Variants in RPRD2 observed in about 807,000 individuals in gnomAD.
RPRD2 encodes the protein regulation of nuclear pre-mRNA domain-containing protein 2.
RPRD2 carries 12 observed loss-of-function variants against 104.4 expected under a neutral mutation model. The ratio of observed to expected loss-of-function variants is 0.11; its 90% CI spans 0.07 to 0.19. The LOEUF is 0.19. Among genes scored for constraint, RPRD2 ranks in the 10% least tolerant of loss-of-function variants. The pLI is 1.00. For missense variants in RPRD2, 1,543 were observed against 1,790.1 expected, an observed-to-expected ratio of 0.86 and a Z score of 2.49; for synonymous variants, 714 against 684.9, an observed-to-expected ratio of 1.04 and a Z score of -0.66.
chr1:150,378,473 A>G (rs1660883447), intron 1 of RPRD2, among the ~76,000 whole-genome samples: 1 of 152,112 alleles, frequency 6.6e-6, no homozygotes, highest in African/African-American at 2.4e-5. Context: ...TTCAGAGTAT[A>G]TTGGTATTTT....
chr1:150,450,303 G>A (rs1553896313), intron 7 of RPRD2, among the ~76,000 whole-genome samples: 1 of 152,034 alleles, frequency 6.6e-6, no homozygotes, highest in East Asian at 1.9e-4. Flanking sequence ...ACCATCAGGT[G>A]TATGTATGTA....
chr1:150,408,404 T>C (rs145784926), intron 1 of RPRD2, among the ~76,000 whole-genome samples: 2,093 of 152,210 alleles, frequency 0.014, 52 homozygotes, highest in African/African-American at 0.048. Flanking sequence ...TCTATCCGCC[T>C]CGGCCTCCCA....
At chr1:150,428,307 G>A (rs1665300841) in intron 2 of RPRD2, among the ~76,000 whole-genome samples, 1 of 151,890 alleles carries the variant, frequency 6.6e-6, no homozygotes, top group Non-Finnish European at 1.5e-5. Flanking sequence ...CAAAAAATTA[G>A]CTGGGTGTGG....
At chr1:150,414,803 TAA>T (rs1664215050) in intron 1 of RPRD2, among the ~76,000 whole-genome samples, 2 of 152,122 alleles carry the variant, frequency 1.3e-5, no homozygotes, top group African/African-American at 4.8e-5. Context: ...ATAAGTGCAA[TAA>T]AAGAGTGGCT....
chr1:150,453,034 CTTTTT>C (rs11342600), intron 7 of RPRD2, among the ~76,000 whole-genome samples: 1 of 132,962 alleles, frequency 7.5e-6, no homozygotes, highest in African/African-American at 2.8e-5. Flanking sequence ...AATATATTTA[CTTTTT>C]TTTTTTTTTT....
At chr1:150,468,850 C>T (rs1167767413) in intron 10 of RPRD2, among the ~76,000 whole-genome samples, 2 of 151,340 alleles carry the variant, frequency 1.3e-5, no homozygotes, top group African/African-American at 4.9e-5. Flanking sequence ...GCACTCCAGC[C>T]TGGGTGACAG....
Position 150,471,141 on chromosome 1 carries a change from G to A in RPRD2, c.2193G>A (p.Gly731=). 6.2e-7 allele frequency: 1 copy of A among 1,613,762 alleles called. No homozygotes were observed. The highest frequency in any genetic ancestry group is 1.6e-4 in the Middle Eastern group (1 of 6,062). Residue 731 remains glycine (G), a synonymous_variant, in exon 11 of 11, where the codon GGG becomes GGA. Transcript: ENST00000369068. The surrounding 1 kb of genome is among the most constrained non-coding windows in gnomAD (Gnocchi z 5.3). ...CCCCTGTACGGGATGAACGGAGTGG[G>A]ACACCCACCCAGGATGAGATGATGG... The part of the protein sequence containing the change: ...DGTPVRDERS[G]TPTQDEMMDK...
chr1:150,382,205 A>C (rs964662146), intron 1 of RPRD2, among the ~76,000 whole-genome samples: 2 of 142,548 alleles, frequency 1.4e-5, no homozygotes, highest in Admixed American at 7.0e-5. Context: ...AGGAGTGGAC[A>C]TGGCTTTTTT....
At chr1:150,446,621 G>A (rs12121133) in intron 7 of RPRD2, among the ~76,000 whole-genome samples, 33,713 of 152,028 alleles carry the variant, frequency 0.22, 4,251 homozygotes, top group African/African-American at 0.32. Context: ...AGACCAGCCT[G>A]GGCACCATGG....
chr1:150,398,201 A>ATTTTATTTTT (rs2102206838), intron 1 of RPRD2, among the ~76,000 whole-genome samples: 1 of 108,978 alleles, frequency 9.2e-6, no homozygotes, highest in African/African-American at 3.5e-5. Context: ...ATTTTATTTT[A>ATTTTATTTTT]TTTTATTTTT....
intron 8 of RPRD2, among the ~76,000 whole-genome samples, chr1:150,459,591 T>A (rs1481099255): frequency 6.6e-6 from 1 of 150,606 alleles, no homozygotes; most frequent in Non-Finnish European, 1.5e-5. Context: ...GGAAATTGCT[T>A]GCTTTTTTTT....
At chr1:150,453,999 G>T (rs1334576545) in intron 7 of RPRD2, among the ~76,000 whole-genome samples, 1 of 152,266 alleles carries the variant, frequency 6.6e-6, no homozygotes, top group African/African-American at 2.4e-5. Context: ...AGCCTGGAAT[G>T]ATCACTAAGC....
At chr1:150,406,016 TTC>T (rs1202855152) in intron 1 of RPRD2, among the ~76,000 whole-genome samples, 1 of 152,186 alleles carries the variant, frequency 6.6e-6, no homozygotes, top group African/African-American at 2.4e-5. Context: ...AAGGTTAAAG[TTC>T]TTAATAAGAC....
chr1:150,450,449 T>TA (rs1210890653), intron 7 of RPRD2, among the ~76,000 whole-genome samples: 4 of 149,910 alleles, frequency 2.7e-5, no homozygotes, highest in Admixed American at 6.7e-5. Flanking sequence ...TACTAAAAAT[T>TA]AAAAAAAATT....
intron 6 of RPRD2, 71 bp from the exon 7 acceptor site, chr1:150,446,155 C>T: frequency 1.8e-6 from 2 of 1,133,678 alleles, no homozygotes; most frequent in Non-Finnish European, 2.4e-6. Flanking sequence ...AGGTTTTCTT[C>T]AAAAGTCAAA....
At chr1:150,385,477 A>G (rs1358977402) in intron 1 of RPRD2, among the ~76,000 whole-genome samples, 3 of 152,236 alleles carry the variant, frequency 2.0e-5, no homozygotes, top group African/African-American at 7.2e-5. Flanking sequence ...CTGCCTTTAA[A>G]TAAATAAATA....
At chr1:150,367,564 G>C (rs180805667) in intron 1 of RPRD2, among the ~76,000 whole-genome samples, 59 of 134,416 alleles carry the variant, frequency 4.4e-4, no homozygotes, top group Non-Finnish European at 5.5e-4. Flanking sequence ...TTTATATTTA[G>C]ACCTCAGTAT....
intron 1 of RPRD2, among the ~76,000 whole-genome samples, chr1:150,416,272 A>T: frequency 7.2e-6 from 1 of 138,586 alleles, no homozygotes; most frequent in East Asian, 2.2e-4. Flanking sequence ...TCTGGAATTG[A>T]TGAAGAATTG....
intron 1 of RPRD2, among the ~76,000 whole-genome samples, chr1:150,368,557 A>G (rs1660030739): frequency 6.8e-6 from 1 of 147,944 alleles, no homozygotes; most frequent in East Asian, 2.0e-4. Flanking sequence ...TCCGCCTCCC[A>G]GGTTCAAGTG....
Sources: allele counts gnomAD v4.1 joint callset (sites outside exome capture counted in the v4.1 genomes callset), GRCh38; gene constraint gnomAD v4.1.1; non-coding constraint Gnocchi (gnomAD v3.1); transcripts MANE v1.5; gene names NCBI Gene and HGNC (gene_info 2026-07-23, HGNC 2026-07-21).